TBL1Y: variants seen among roughly 807,000 people sequenced by gnomAD.
The protein encoded by TBL1Y is transducin beta like 1 Y-linked.
TBL1Y carries 15 observed loss-of-function variants against 12.0 expected under a neutral mutation model. The observed-to-expected ratio is 1.25, with a 90% CI of 0.83 to 1.92. The LOEUF (loss-of-function observed/expected upper bound fraction) is 1.92, where lower values mean the gene tolerates loss of function less well. Ranked by LOEUF, TBL1Y falls within the 40% of genes most tolerant of loss-of-function variation. The probability of loss-of-function intolerance (pLI) is 0.00; values close to 1 mark genes in which losing one functional copy is unlikely to be tolerated. For missense variants in TBL1Y, 148 were observed against 116.7 expected, an observed-to-expected ratio of 1.27 and a Z score of -1.24; for synonymous variants, 53 against 42.6, an observed-to-expected ratio of 1.24 and a Z score of -0.95.
intron 3 of TBL1Y, among the ~76,000 whole-genome samples, chrY:6,990,975 A>G (rs973880641): frequency 3.0e-5 from 1 of 33,082 alleles, no homozygotes; most frequent in Non-Finnish European, 7.4e-5. Context: ...TTTGCCTTTC[A>G]TCTCCTTCCT....
chrY:7,056,366 A>G (rs2012824666), intron 7 of TBL1Y, among the ~76,000 whole-genome samples: 1 of 32,499 alleles, frequency 3.1e-5, no homozygotes, highest in African/African-American at 1.2e-4. Flanking sequence ...GAGATTTTGC[A>G]CAGTCAGGAA....
At chrY:7,085,268 A>G (rs1603051748) in intron 14 of TBL1Y, among the ~76,000 whole-genome samples, 1 of 31,087 alleles carries the variant, frequency 3.2e-5, no homozygotes, top group South Asian at 7.9e-4. Flanking sequence ...CCAGCTACCT[A>G]CATTGGAGGC....
chrY:7,021,788 G>A, intron 5 of TBL1Y, among the ~76,000 whole-genome samples: 2 of 32,961 alleles, frequency 6.1e-5, no homozygotes, highest in South Asian at 6.9e-4. Flanking sequence ...GATCCTGAAT[G>A]AGCAATAACA....
chrY:6,955,766 T>G (rs2012066272), intron 2 of TBL1Y, among the ~76,000 whole-genome samples: 1 of 33,980 alleles, frequency 2.9e-5, no homozygotes, highest in African/African-American at 1.1e-4. Flanking sequence ...GTATCTGGTG[T>G]CTATCCCTGT....
At chrY:7,064,188 G>A (rs777753133) in intron 8 of TBL1Y, 39 bp downstream of exon 8, 1 of 392,184 alleles carries the variant, frequency 2.5e-6, no homozygotes, top group South Asian at 3.0e-5. Flanking sequence ...GGGCCTCTCT[G>A]GGTTCATTGT....
intron 7 of TBL1Y, among the ~76,000 whole-genome samples, chrY:7,063,064 C>T (rs903046605): frequency 3.1e-5 from 1 of 32,505 alleles, no homozygotes; most frequent in Non-Finnish European, 7.5e-5. Context: ...TTATTCCTCG[C>T]ACAGGGTGGG....
intron 18 of TBL1Y, among the ~76,000 whole-genome samples, chrY:7,090,984 C>G (rs963022275): frequency 2.1e-4 from 7 of 33,442 alleles, no homozygotes; most frequent in Non-Finnish European, 4.4e-4. Flanking sequence ...GGTGGCCATC[C>G]AGCAGGTCTC....
At chrY:7,076,815 A>G in intron 13 of TBL1Y, among the ~76,000 whole-genome samples, 1 of 27,271 alleles carries the variant, frequency 3.7e-5, no homozygotes, top group Non-Finnish European at 8.6e-5. Context: ...GAGGCAGGAG[A>G]ATCCCCTCAA....
chrY:7,066,320 G>C, intron 8 of TBL1Y, among the ~76,000 whole-genome samples: 1 of 34,196 alleles, frequency 2.9e-5, no homozygotes, highest in Admixed American at 2.6e-4. Context: ...CTGAAGTCCA[G>C]TTTTATTTTA....
At chrY:6,940,879 T>C (rs2011947976) in intron 2 of TBL1Y, among the ~76,000 whole-genome samples, 1 of 33,533 alleles carries the variant, frequency 3.0e-5, no homozygotes, top group South Asian at 6.7e-4. Context: ...AGAAGACTGG[T>C]GGAGTTAGAG....
At chrY:6,988,558 G>A (rs1011702716) in intron 3 of TBL1Y, among the ~76,000 whole-genome samples, 2 of 31,130 alleles carry the variant, frequency 6.4e-5, no homozygotes, top group Non-Finnish European at 1.5e-4. Context: ...TACTTGGGAG[G>A]CTGAGGTGGG....
In TBL1Y at chrY:7,086,978, C is replaced by T. The variant is rs2013141976; in HGVS notation, c.1281-289C>T. 1.4e-4 allele frequency among the ~76,000 whole-genome samples: 3 copies of T among 22,047 alleles called. No individual in the cohort carries two copies. In the South Asian group the frequency reaches 2.6e-3, roughly 19 times the overall value. The allele number at this position is 22,047 out of a possible 37,273, so 59.2% of individuals were successfully genotyped here. A position where few individuals can be genotyped will look rare whatever the true frequency, so the allele number is the denominator to read the frequency against. On this transcript the variant is annotated intron_variant, in intron 16 of 18. Coordinates refer to ENST00000383032, the MANE Select transcript of TBL1Y (RefSeq NM_033284.2). ...TATATCTTATATATTTTATATATAT[C>T]TTATATATTATATATCATATATTTT...
At position 7,017,747 on chromosome Y, in the gene TBL1Y, A is replaced by G. The variant is rs377653633; in HGVS notation, c.-139-3702A>G. ...AGGATGAAATGTAGCTGAGGGTGCT[A>G]TTGAGTTTGGACAACATTTGGCTAG... On this transcript the variant is annotated intron_variant, in intron 4 of 18. Coordinates refer to ENST00000383032, the MANE Select transcript of TBL1Y (RefSeq NM_033284.2). Among the ~76,000 whole-genome samples, 169 of 34,032 alleles carry G rather than the reference A, an allele frequency of 5.0e-3. No homozygotes were observed. The South Asian group carries it at 0.076, about 15-fold the overall frequency. The allele number at this position is 34,032 out of a possible 37,273, so 91.3% of individuals were successfully genotyped here.
At chrY:7,061,926 G>C in intron 7 of TBL1Y, among the ~76,000 whole-genome samples, 1 of 28,268 alleles carries the variant, frequency 3.5e-5, no homozygotes. Context: ...TAGGTACAGA[G>C]GGAAATGGAA....
At chrY:7,040,880 G>A in intron 6 of TBL1Y, among the ~76,000 whole-genome samples, 2 of 34,150 alleles carry the variant, frequency 5.9e-5, no homozygotes, top group South Asian at 6.6e-4. Flanking sequence ...GGTCAGAATC[G>A]GCTCTGTTTC....
Position 7,086,480 on chromosome Y carries a change from T to A in TBL1Y, c.1280+63T>A, listed in dbSNP as rs761287916. The A allele has an allele frequency of 9.0e-6, 3 of 333,635 alleles. No individual in the cohort carries two copies. The East Asian group carries it at 4.2e-4, about 47-fold the overall frequency. The allele number at this position is 333,635 out of a possible 400,897, so 83.2% of individuals were successfully genotyped here. A position where few individuals can be genotyped will look rare whatever the true frequency, so the allele number is the denominator to read the frequency against. The stretch of plus-strand genomic sequence containing the variant: ...ACACAACGATAACAAGAAATTTTGC[T>A]CAAGTGTGTCTGTGCACCTGTGTTG... On this transcript the variant is annotated intron_variant, in intron 16 of 18. Transcript: ENST00000383032.
rs768118493 is a variant in TBL1Y at position 6,941,275 on chromosome Y, C to T, written c.-266+29103C>T. On this transcript the variant is annotated intron_variant, in intron 2 of 18. Transcript: ENST00000383032. ...AGTGGCTCAGCATGTAATCCCAGCACTTTGGGAGGCACAGGTGGGCAGATC... is the reference window on the plus strand; with the variant it reads ...AGTGGCTCAGCATGTAATCCCAGCATTTTGGGAGGCACAGGTGGGCAGATC... Among the ~76,000 whole-genome samples the T allele has an allele frequency of 9.0e-5, 3 of 33,343 alleles. No homozygotes were observed. In the East Asian group the frequency reaches 2.4e-3, roughly 27 times the overall value. 89.5% of individuals were successfully genotyped at this position (33,343 alleles called of 37,273 possible).
chrY:7,031,641 G>A, intron 6 of TBL1Y, among the ~76,000 whole-genome samples: 1 of 33,410 alleles, frequency 3.0e-5, no homozygotes, highest in African/African-American at 1.2e-4. Context: ...GAGTAGTACA[G>A]TGTGCTTTAA....
intron 7 of TBL1Y, among the ~76,000 whole-genome samples, chrY:7,053,157 C>T (rs773393104): frequency 3.0e-5 from 1 of 33,658 alleles, no homozygotes; most frequent in African/African-American, 1.2e-4. Flanking sequence ...CCCCTGCTAA[C>T]AACAGCAGCA....
Sources: gnomAD v4.1 joint callset for allele counts (sites outside exome capture counted in the v4.1 genomes callset) on GRCh38, gnomAD v4.1.1 for gene constraint, MANE v1.5 for transcripts, NCBI Gene and HGNC (gene_info 2026-07-23, HGNC 2026-07-21) for gene names.